Variants in LRRTM3 observed in about 807,000 individuals in gnomAD.
LRRTM3 encodes leucine rich repeat transmembrane neuronal 3, also known as leucine-rich repeat transmembrane neuronal protein 3.
LRRTM3 carries 24 observed loss-of-function variants against 44.7 expected under a neutral mutation model. The observed-to-expected ratio is 0.54, with a 90% CI of 0.39 to 0.76. The LOEUF (loss-of-function observed/expected upper bound fraction) is 0.76. LRRTM3 is among the 30% of genes least tolerant of loss of function. LRRTM3 has a pLI of 0.00. For missense variants in LRRTM3, 587 were observed against 702.2 expected (o/e 0.84, Z 1.85); for synonymous variants, 277 against 278.7 (o/e 0.99, Z 0.06).
rs960052791 is a variant in LRRTM3 at position 67,015,637 on chromosome 10, T to C, written c.1537-81950T>C. On this transcript the variant is annotated intron_variant, in intron 2 of 2. Coordinates refer to ENST00000361320, the MANE Select transcript of LRRTM3 (RefSeq NM_178011.5). ...AGTTTAAAGTATCTCTCAGTATTCA[T>C]TGTTCTATCTAAAATTGTCCTAGAA... Among the ~76,000 whole-genome samples the C allele has an allele frequency of 1.7e-4, 26 of 152,208 alleles. No homozygotes were observed. In the East Asian group the frequency reaches 4.0e-3, roughly 24 times the overall value.
At chr10:67,024,747 T>C (rs1853246289) in intron 2 of LRRTM3, among the ~76,000 whole-genome samples, 1 of 152,216 alleles carries the variant, frequency 6.6e-6, no homozygotes, top group South Asian at 2.1e-4. Context: ...CAGAGCCTAC[T>C]AAACATTCTT....
At chr10:67,061,321 A>G (rs1176829145) in intron 2 of LRRTM3, among the ~76,000 whole-genome samples, 1 of 152,234 alleles carries the variant, frequency 6.6e-6, no homozygotes, top group Non-Finnish European at 1.5e-5. Flanking sequence ...ATATTGCTAC[A>G]CCAATATGTG....
chr10:67,042,564 G>T (rs1162331757), intron 2 of LRRTM3, among the ~76,000 whole-genome samples: 1 of 151,982 alleles, frequency 6.6e-6, no homozygotes, highest in Non-Finnish European at 1.5e-5. Flanking sequence ...AACATATAAG[G>T]TAAGAAAAGG....
chr10:66,934,197 G>T (rs953849666), intron 2 of LRRTM3, among the ~76,000 whole-genome samples: 1 of 151,954 alleles, frequency 6.6e-6, no homozygotes, highest in Non-Finnish European at 1.5e-5. Context: ...AAGAAAAACA[G>T]CTTCTATCTT....
intron 2 of LRRTM3, among the ~76,000 whole-genome samples, chr10:67,030,999 C>G (rs530714156): frequency 6.6e-6 from 1 of 151,796 alleles, no homozygotes; most frequent in Non-Finnish European, 1.5e-5. Context: ...AGCGAAACTC[C>G]GTCTCAAAAA....
intron 2 of LRRTM3, among the ~76,000 whole-genome samples, chr10:67,088,394 C>A (rs1340932502): frequency 1.3e-5 from 2 of 151,714 alleles, no homozygotes; most frequent in Non-Finnish European, 2.9e-5. Context: ...TTTATTTTTT[C>A]TTGCAAAACT....
At position 66,926,515 on chromosome 10, in the gene LRRTM3, G is replaced by A; in HGVS notation, c.-69G>A. The A allele has an allele frequency of 6.3e-7, 1 of 1,578,958 alleles. No individual in the cohort carries two copies. The highest frequency in any genetic ancestry group is 8.7e-7 in the Non-Finnish European group (1 of 1,150,800). ...TGACTCACTACAGTGCAGCTGACAG[G>A]GGCTGTCATGCAACTGGCCCCTAAG... is the stretch of plus-strand genomic sequence containing the variant. On this transcript the variant is annotated 5_prime_UTR_variant, in exon 1 of 3. Coordinates refer to ENST00000361320, the MANE Select transcript of LRRTM3 (RefSeq NM_178011.5).
intron 2 of LRRTM3, among the ~76,000 whole-genome samples, chr10:66,944,781 ATGCTT>A (rs1848196850): frequency 6.6e-6 from 1 of 152,188 alleles, no homozygotes; most frequent in Non-Finnish European, 1.5e-5. Flanking sequence ...TGCAGAATGG[ATGCTT>A]TGTTAGCAGG....
intron 2 of LRRTM3, among the ~76,000 whole-genome samples, chr10:66,994,766 G>A (rs1851236891): frequency 6.6e-6 from 1 of 152,122 alleles, no homozygotes; most frequent in South Asian, 2.1e-4. Context: ...TACAGCTGCA[G>A]GGCTTTGTAT....
intron 2 of LRRTM3, among the ~76,000 whole-genome samples, chr10:67,061,841 A>G (rs1855772507): frequency 6.6e-6 from 1 of 152,222 alleles, no homozygotes; most frequent in Non-Finnish European, 1.5e-5. Flanking sequence ...GATGAGAGGG[A>G]GAATATTTAA....
At chr10:67,081,117 T>C (rs1170447685) in intron 2 of LRRTM3, among the ~76,000 whole-genome samples, 1 of 152,188 alleles carries the variant, frequency 6.6e-6, no homozygotes, top group Admixed American at 6.5e-5. Flanking sequence ...TTCTCTCTCC[T>C]TCAGTTCTGA....
chr10:67,093,799 C>T (rs143770838), intron 2 of LRRTM3, among the ~76,000 whole-genome samples: 1 of 151,978 alleles, frequency 6.6e-6, no homozygotes, highest in Non-Finnish European at 1.5e-5. Flanking sequence ...TTATTTGAAA[C>T]ATAAATAGGT....
intron 2 of LRRTM3, among the ~76,000 whole-genome samples, chr10:67,073,353 C>T (rs776067109): frequency 5.9e-5 from 9 of 152,122 alleles, no homozygotes; most frequent in Non-Finnish European, 1.3e-4. Flanking sequence ...CAGTATTTTA[C>T]CTTCAACCAT....
At chr10:67,012,292 A>C (rs1226154807) in intron 2 of LRRTM3, 1 of 152,162 alleles carries the variant, frequency 6.6e-6, no homozygotes, top group Non-Finnish European at 1.5e-5. Flanking sequence ...GAGAACTGAA[A>C]CCCAGAGAAA....
At chr10:67,038,182 G>C (rs1401666981) in intron 2 of LRRTM3, among the ~76,000 whole-genome samples, 2 of 152,076 alleles carry the variant, frequency 1.3e-5, no homozygotes, top group Admixed American at 1.3e-4. Context: ...AATTCAGTTG[G>C]ATAATCCTCC....
intron 2 of LRRTM3, among the ~76,000 whole-genome samples, chr10:66,992,175 A>T (rs1404749419): frequency 6.6e-6 from 1 of 152,170 alleles, no homozygotes; most frequent in East Asian, 1.9e-4. Context: ...TACCTCCCAG[A>T]CATATGTATT....
At chr10:67,014,452 G>A (rs990497163) in intron 2 of LRRTM3, among the ~76,000 whole-genome samples, 2 of 152,118 alleles carry the variant, frequency 1.3e-5, no homozygotes, top group Admixed American at 6.6e-5. Context: ...CCCAGGTGGT[G>A]CCTGTTTGTA....
intron 2 of LRRTM3, among the ~76,000 whole-genome samples, chr10:66,966,457 C>T (rs1031260727): frequency 6.7e-6 from 1 of 149,596 alleles, no homozygotes; most frequent in African/African-American, 2.4e-5. Context: ...AATTAATATG[C>T]AGCTGGGTTA....
chr10:66,972,322 A>G (rs1849765150), intron 2 of LRRTM3, among the ~76,000 whole-genome samples: 1 of 152,110 alleles, frequency 6.6e-6, no homozygotes, highest in Non-Finnish European at 1.5e-5. Context: ...TATAGCATCA[A>G]AGAATACATT....
Sources: allele counts gnomAD v4.1 joint callset (sites outside exome capture counted in the v4.1 genomes callset), GRCh38; gene constraint gnomAD v4.1.1; transcripts MANE v1.5; gene names NCBI Gene and HGNC (gene_info 2026-07-23, HGNC 2026-07-21).